The following CAST variants were observed in gnomAD, a reference collection of about 807,000 sequenced individuals.
The protein encoded by CAST is MIR583 host.
Under a neutral mutation model 119.6 loss-of-function variants are expected in CAST, and 76 were observed. The observed-to-expected ratio is 0.64, with a 90% confidence interval of 0.53 to 0.77. The LOEUF (loss-of-function observed/expected upper bound fraction) is 0.77, where lower values mean the gene tolerates loss of function less well. Among genes scored for constraint, CAST ranks in the 30% least tolerant of loss-of-function variants. CAST has a pLI of 0.00. For synonymous variants in CAST, 319 were observed against 331.6 expected, an observed-to-expected ratio of 0.96 and a Z score of 0.41; for missense variants, 953 against 946.5, an observed-to-expected ratio of 1.01 and a Z score of -0.09.
At chr5:96,637,233 C>G (rs1747898978) in intron 1 of CAST, among the ~76,000 whole-genome samples, 1 of 152,206 alleles carries the variant, frequency 6.6e-6, no homozygotes, top group Non-Finnish European at 1.5e-5. Context: ...TTTATTTTCT[C>G]AGCTAATTTT....
chr5:96,695,795 G>A lies in CAST; in HGVS notation c.139-41G>A, dbSNP rs748280612. On this transcript the variant is annotated intron_variant, in intron 2 of 31. Coordinates refer to ENST00000675179, the MANE Select transcript of CAST (RefSeq NM_001750.7). Reference sequence around the variant, plus strand: ...AGTTTGCATTTGACTACATTGGTAAGGTGTTTTCCCCCATTGAAACTAATA... The same window carrying A: ...AGTTTGCATTTGACTACATTGGTAAAGTGTTTTCCCCCATTGAAACTAATA... 10 of 1,336,062 alleles carry A rather than the reference G, an allele frequency of 7.5e-6. No individual in the cohort carries two copies. The East Asian group carries it at 2.1e-4, about 28-fold the overall frequency. 82.8% of individuals were successfully genotyped at this position (1,336,062 alleles called of 1,614,324 possible).
chr5:96,348,387 GGAGA>G, the CAST span, among the ~76,000 whole-genome samples: 3,727 of 149,568 alleles, frequency 0.025, 151 homozygotes, highest in African/African-American at 0.086. Context: ...AGAGGGAGAG[GGAGA>G]GAGAGAGAGA....
chr5:96,342,769 G>A, the CAST span, among the ~76,000 whole-genome samples: 2 of 152,020 alleles, frequency 1.3e-5, no homozygotes, highest in African/African-American at 4.8e-5. Flanking sequence ...TCCCACATTT[G>A]CACATCTCTG....
chr5:96,108,956 C>T, the CAST span, among the ~76,000 whole-genome samples: 538 of 152,350 alleles, frequency 3.5e-3, 2 homozygotes, highest in African/African-American at 4.5e-3. Flanking sequence ...ATCGGAAAAG[C>T]GCAGTATTTG....
chr5:96,498,080 G>A, the CAST span, among the ~76,000 whole-genome samples: 1 of 152,152 alleles, frequency 6.6e-6, no homozygotes, highest in Non-Finnish European at 1.5e-5. Flanking sequence ...TTCCACATAT[G>A]GCTAGCCAAT....
the CAST span, among the ~76,000 whole-genome samples, chr5:96,185,862 T>A: frequency 6.8e-6 from 1 of 147,464 alleles, no homozygotes; most frequent in South Asian, 2.1e-4. Flanking sequence ...GAATTTTAAA[T>A]TTTTTTTTTT....
intron 1 of CAST, among the ~76,000 whole-genome samples, chr5:96,646,400 A>T (rs550084547): frequency 6.6e-6 from 1 of 152,374 alleles, no homozygotes; most frequent in East Asian, 1.9e-4. Flanking sequence ...AGTTAAATGT[A>T]GTATGAAGCA....
At chr5:96,770,768 T>C (rs1356002588) in intron 30 of CAST, among the ~76,000 whole-genome samples, 166 bp downstream of exon 30, 2 of 152,220 alleles carry the variant, frequency 1.3e-5, no homozygotes, top group African/African-American at 2.4e-5. Context: ...TTTGTATAAA[T>C]ACATATATTT....
chr5:95,981,585 G>A, the CAST span, among the ~76,000 whole-genome samples: 1 of 152,160 alleles, frequency 6.6e-6, no homozygotes, highest in African/African-American at 2.4e-5. Flanking sequence ...CCCTTAAAAA[G>A]CATTTTGTGG....
At chr5:96,013,917 T>C in the CAST span, among the ~76,000 whole-genome samples, 1 of 152,128 alleles carries the variant, frequency 6.6e-6, no homozygotes, top group African/African-American at 2.4e-5. Flanking sequence ...ATTATACTAT[T>C]GTAGACTTTA....
At chr5:96,569,493 TTC>T (rs1424908421) in intron 1 of CAST, among the ~76,000 whole-genome samples, 6 of 152,206 alleles carry the variant, frequency 3.9e-5, no homozygotes, top group African/African-American at 7.2e-5. Context: ...TATAAGCCAC[TTC>T]TCTTTGCACC....
At chr5:96,279,596 GATA>G in the CAST span, among the ~76,000 whole-genome samples, 1 of 152,142 alleles carries the variant, frequency 6.6e-6, no homozygotes, top group Non-Finnish European at 1.5e-5. Flanking sequence ...TAATAGACAT[GATA>G]AGAACAGAAG....
chr5:96,002,832 T>A, the CAST span, among the ~76,000 whole-genome samples: 1 of 152,268 alleles, frequency 6.6e-6, no homozygotes, highest in Non-Finnish European at 1.5e-5. Context: ...TTTATGTTTT[T>A]GAAACAATCT....
the CAST span, among the ~76,000 whole-genome samples, chr5:96,398,068 C>CT: frequency 6.6e-6 from 1 of 152,054 alleles, no homozygotes; most frequent in Non-Finnish European, 1.5e-5. Context: ...GATAATAGTT[C>CT]TATGTGGAAG....
At chr5:96,557,649 A>G (rs1303073638) in intron 1 of CAST, among the ~76,000 whole-genome samples, 1 of 152,250 alleles carries the variant, frequency 6.6e-6, no homozygotes, top group Non-Finnish European at 1.5e-5. Context: ...CAACAAGAAG[A>G]GCTAACTGTC....
chr5:96,619,252 TG>T (rs1747538084), intron 1 of CAST, among the ~76,000 whole-genome samples: 1 of 151,486 alleles, frequency 6.6e-6, no homozygotes, highest in Admixed American at 6.6e-5. Flanking sequence ...GCTAATCTAG[TG>T]GGGATTTGGA....
At chr5:96,274,437 T>C in the CAST span, among the ~76,000 whole-genome samples, 2 of 152,136 alleles carry the variant, frequency 1.3e-5, no homozygotes, top group Non-Finnish European at 2.9e-5. Flanking sequence ...GTCAATTCTG[T>C]CCAAAATTTT....
the CAST span, among the ~76,000 whole-genome samples, chr5:96,178,967 G>C: frequency 6.6e-6 from 1 of 152,208 alleles, no homozygotes; most frequent in Non-Finnish European, 1.5e-5. Context: ...AGCAAGAAGA[G>C]AGAGAAACTT....
chr5:96,335,516 T>A, the CAST span, among the ~76,000 whole-genome samples: 1 of 152,202 alleles, frequency 6.6e-6, no homozygotes, highest in Non-Finnish European at 1.5e-5. Flanking sequence ...ATGCTGGGGT[T>A]ACCTACCTTT....
Sources: gnomAD v4.1 joint callset for allele counts (sites outside exome capture counted in the v4.1 genomes callset) on GRCh38, gnomAD v4.1.1 for gene constraint, MANE v1.5 for transcripts, NCBI Gene and HGNC (gene_info 2026-07-23, HGNC 2026-07-21) for gene names.